TTC39C: variants seen among roughly 807,000 people sequenced by gnomAD.
TTC39C encodes tetratricopeptide repeat domain 39C, also known as tetratricopeptide repeat protein 39C.
A neutral mutation model predicts 76.3 loss-of-function variants in TTC39C; 33 were observed. The observed-to-expected ratio is 0.43, with a 90% confidence interval of 0.33 to 0.58. The LOEUF is 0.58. Among genes scored for constraint, TTC39C ranks in the 20% least tolerant of loss-of-function variants. The pLI is 0.04. For synonymous variants in TTC39C, 254 were observed against 260.6 expected (o/e 0.97, Z 0.24); for missense variants, 595 against 701.4 (o/e 0.85, Z 1.71).
intron 6 of TTC39C, among the ~76,000 whole-genome samples, chr18:24,111,503 A>T (rs2084808871): frequency 6.6e-6 from 1 of 151,140 alleles, no homozygotes; most frequent in Non-Finnish European, 1.5e-5. Context: ...CAGGAGGCAG[A>T]GGTTGCATTG....
chr18:24,092,763 A>G (rs1382843022), intron 6 of TTC39C, among the ~76,000 whole-genome samples: 1 of 152,198 alleles, frequency 6.6e-6, no homozygotes, highest in East Asian at 1.9e-4. Flanking sequence ...GCTAATGGAT[A>G]CATGGTACAT....
intron 1 of TTC39C, among the ~76,000 whole-genome samples, chr18:24,051,366 A>G (rs112458081): frequency 5.3e-5 from 8 of 152,346 alleles, no homozygotes; most frequent in African/African-American, 1.9e-4. Flanking sequence ...CAGAAACTGC[A>G]GTGGCTGTAA....
chr18:24,007,940 G>A (rs1007132573), intron 1 of TTC39C, among the ~76,000 whole-genome samples: 1 of 152,082 alleles, frequency 6.6e-6, no homozygotes, highest in African/African-American at 2.4e-5. Context: ...TAATATCTTG[G>A]TATTACAGAT....
chr18:24,020,187 C>G, intron 1 of TTC39C: 1 of 1,156,830 alleles, frequency 8.6e-7, no homozygotes, highest in Admixed American at 4.8e-5. Context: ...TTGACTTTTT[C>G]CATCCTCTTC....
chr18:24,014,867 C>G lies in TTC39C; in HGVS notation c.-5C>G. On this transcript the variant is annotated 5_prime_UTR_variant, in exon 1 of 14. Transcript: ENST00000317571. Reference sequence around the variant, plus strand: ...CCTCGGCCCAGCGCAGGGCCTCGCACGCCCATGGCCGGCTCGGAGCAGCAG... The same window carrying G: ...CCTCGGCCCAGCGCAGGGCCTCGCAGGCCCATGGCCGGCTCGGAGCAGCAG... 8 of 1,346,912 alleles carry G rather than the reference C, an allele frequency of 5.9e-6. No homozygotes were observed. The highest frequency in any genetic ancestry group is 7.6e-6 in the Non-Finnish European group (8 of 1,051,556). 83.4% of individuals were successfully genotyped at this position (1,346,912 alleles called of 1,614,324 possible).
At chr18:24,117,430 G>A (rs992993838) in intron 7 of TTC39C, among the ~76,000 whole-genome samples, 3 of 152,022 alleles carry the variant, frequency 2.0e-5, no homozygotes, top group Non-Finnish European at 4.4e-5. Flanking sequence ...GGCCAAGCAC[G>A]GTGGCTCACA....
upstream of TTC39C, among the ~76,000 whole-genome samples, chr18:24,012,299 T>C (rs751178529): frequency 3.3e-5 from 5 of 152,284 alleles, no homozygotes; most frequent in Non-Finnish European, 7.4e-5. Flanking sequence ...CATGGTAGAG[T>C]TATCCCTCTA....
At chr18:24,126,786 T>C (rs2085056980) in intron 10 of TTC39C, among the ~76,000 whole-genome samples, 6 of 152,176 alleles carry the variant, frequency 3.9e-5, no homozygotes, top group Admixed American at 3.3e-4. Context: ...TAGCTGGGAT[T>C]ACAGGCGTGT....
chr18:24,083,895 G>A (rs1871101966), intron 6 of TTC39C, among the ~76,000 whole-genome samples: 1 of 152,302 alleles, frequency 6.6e-6, no homozygotes, highest in Admixed American at 6.5e-5. Context: ...GTTACCAAGA[G>A]TTATCAGGGA....
At chr18:24,017,175 C>T (rs1280113742) in intron 1 of TTC39C, among the ~76,000 whole-genome samples, 1 of 152,160 alleles carries the variant, frequency 6.6e-6, no homozygotes, top group Non-Finnish European at 1.5e-5. Context: ...ATCAGCTTTC[C>T]TTGGCTCCAT....
At chr18:24,112,644 C>A (rs2084830380) in intron 6 of TTC39C, among the ~76,000 whole-genome samples, 1 of 152,128 alleles carries the variant, frequency 6.6e-6, no homozygotes, top group South Asian at 2.1e-4. Context: ...ATTTTCTGTC[C>A]TCTGAAGGAC....
At chr18:24,072,174 A>G (rs1307551796) in intron 4 of TTC39C, among the ~76,000 whole-genome samples, 2 of 149,944 alleles carry the variant, frequency 1.3e-5, no homozygotes, top group Non-Finnish European at 3.0e-5. Flanking sequence ...CTTGTTGGAG[A>G]TGTTTGTTAT....
intron 6 of TTC39C, among the ~76,000 whole-genome samples, chr18:24,085,905 CCCA>C (rs1226878858): frequency 6.6e-6 from 1 of 152,116 alleles, no homozygotes; most frequent in Non-Finnish European, 1.5e-5. Flanking sequence ...TGTTATTATC[CCCA>C]AGGTGCCCAG....
In TTC39C at chr18:24,046,297, A is replaced by G. The variant is rs891597572; in HGVS notation, c.168-17843A>G. Among the ~76,000 whole-genome samples the G allele has an allele frequency of 4.0e-5, 6 of 151,568 alleles. 1 individual carries two copies. The highest frequency in any genetic ancestry group is 3.3e-4 in the Admixed American group (5 of 15,260). ...TTCTTACTTGTATCCTGCCTTTTCC[A>G]TTTATCATCATGATACAGTAACTAG... is the stretch of plus-strand genomic sequence containing the variant. On this transcript the variant is annotated intron_variant, in intron 1 of 13. Coordinates refer to ENST00000317571, the MANE Select transcript of TTC39C (RefSeq NM_001135993.2).
chr18:24,123,870 A>T lies in TTC39C; in HGVS notation c.1223A>T (p.Gln408Leu). The T allele has an allele frequency of 6.2e-7, 1 of 1,612,928 alleles. No homozygotes were observed. The highest frequency in any genetic ancestry group is 1.1e-5 in the South Asian group (1 of 91,008). ...QGATGDVDGAQIVFKEVQKLF... is the reference protein window; with the variant it reads ...QGATGDVDGALIVFKEVQKLF... Reference sequence around the variant, plus strand: ...GCCACTGGTGATGTGGATGGGGCACAGATTGTCTTTAAAGAAGTTCAGAAA... The same window carrying T: ...GCCACTGGTGATGTGGATGGGGCACTGATTGTCTTTAAAGAAGTTCAGAAA... Residue 408 changes from glutamine to leucine, a missense_variant, in exon 9 of 14, where the codon CAG (glutamine) becomes CTG (leucine). By Grantham distance (113) the Gln-to-Leu change is moderately radical. Coordinates refer to ENST00000317571, the MANE Select transcript of TTC39C (RefSeq NM_001135993.2).
In TTC39C at chr18:24,080,758, C is replaced by G. The variant is rs981967824; in HGVS notation, c.634C>G (p.Leu212Val). The G allele has an allele frequency of 6.2e-7, 1 of 1,614,026 alleles. No individual in the cohort carries two copies. The highest frequency in any genetic ancestry group is 1.3e-5 in the African/African-American group (1 of 74,904). The stretch of plus-strand genomic sequence containing the variant: ...GGCTGAAGGGGTGTCTGAGGAGTCT[C>G]TGAACAGACTGAAAGGTGCTGTTAG... ...IVAEGVSEES[L>V]NRLKGAVSFG... Residue 212 changes from leucine to valine, a missense_variant, in exon 5 of 14, where the codon CTG becomes GTG. Physicochemically the swap from Leu to Val is conservative, Grantham distance 32. Transcript: ENST00000317571.
intron 4 of TTC39C, among the ~76,000 whole-genome samples, chr18:24,080,314 G>A (rs941328924): frequency 1.3e-5 from 2 of 152,088 alleles, no homozygotes; most frequent in East Asian, 1.9e-4. Context: ...ATTACATACC[G>A]TACTCTAGGT....
chr18:24,062,537 G>A (rs537341329), intron 1 of TTC39C, among the ~76,000 whole-genome samples: 104 of 152,330 alleles, frequency 6.8e-4, no homozygotes, highest in Non-Finnish European at 1.1e-3. Context: ...GATGACAGAT[G>A]CTACAGGAGT....
intron 6 of TTC39C, among the ~76,000 whole-genome samples, chr18:24,095,031 G>A (rs952716820): frequency 2.0e-4 from 30 of 152,228 alleles, no homozygotes; most frequent in African/African-American, 7.0e-4. Flanking sequence ...TCCACTGAAA[G>A]TCTGTTGTTT....
Sources: gnomAD v4.1 joint callset for allele counts (sites outside exome capture counted in the v4.1 genomes callset) on GRCh38, gnomAD v4.1.1 for gene constraint, MANE v1.5 for transcripts, NCBI Gene and HGNC (gene_info 2026-07-23, HGNC 2026-07-21) for gene names.